The following CHRM3 variants were observed in gnomAD, a reference collection of about 807,000 sequenced individuals.
CHRM3 encodes the protein muscarinic acetylcholine receptor M3.
A neutral mutation model predicts 41.8 loss-of-function variants in CHRM3; 11 were observed. The ratio of observed to expected loss-of-function variants is 0.26; its 90% CI spans 0.17 to 0.44. The LOEUF (loss-of-function observed/expected upper bound fraction) is 0.44. Among genes scored for constraint, CHRM3 ranks in the 20% least tolerant of loss-of-function variants. The pLI is 1.00. For missense variants in CHRM3, 571 were observed against 745.4 expected, an observed-to-expected ratio of 0.77 and a Z score of 2.72; for synonymous variants, 297 against 301.4, an observed-to-expected ratio of 0.99 and a Z score of 0.15.
intron 3 of CHRM3, among the ~76,000 whole-genome samples, chr1:239,562,856 C>A (rs930328123): frequency 6.7e-6 from 1 of 148,836 alleles, no homozygotes; most frequent in African/African-American, 2.5e-5. Flanking sequence ...CCACTGCACT[C>A]CAGCCTGGGC....
intron 5 of CHRM3, among the ~76,000 whole-genome samples, chr1:239,723,451 T>C (rs1663159346): frequency 6.6e-6 from 1 of 151,990 alleles, no homozygotes; most frequent in Non-Finnish European, 1.5e-5. Flanking sequence ...TTTTGGACTG[T>C]TTCAACTTTG....
intron 5 of CHRM3, among the ~76,000 whole-genome samples, chr1:239,682,971 A>G (rs186840128): frequency 6.6e-6 from 1 of 152,248 alleles, no homozygotes. Context: ...ATGTCACCTC[A>G]TTTATTTGCA....
chr1:239,642,761 C>G (rs1671317957), intron 4 of CHRM3, among the ~76,000 whole-genome samples: 1 of 152,228 alleles, frequency 6.6e-6, no homozygotes, highest in Non-Finnish European at 1.5e-5. Context: ...CTTCTTCTCT[C>G]AACTCGTCAA....
At chr1:239,744,051 C>A (rs75372521) in intron 5 of CHRM3, among the ~76,000 whole-genome samples, 2 of 150,054 alleles carry the variant, frequency 1.3e-5, no homozygotes, top group African/African-American at 2.5e-5. Context: ...CTCAAGAAAT[C>A]CTTCCACCTA....
chr1:239,814,892 T>G (rs927046682), intron 5 of CHRM3, among the ~76,000 whole-genome samples: 3 of 152,152 alleles, frequency 2.0e-5, no homozygotes, highest in African/African-American at 7.2e-5. Context: ...GCGATTCTCC[T>G]GCCCAGACAC....
chr1:239,725,130 A>G (rs910749075), intron 5 of CHRM3, among the ~76,000 whole-genome samples: 2 of 152,072 alleles, frequency 1.3e-5, no homozygotes, highest in Middle Eastern at 3.4e-3. Context: ...TTAGACTTAG[A>G]AAAGTATTTA....
intron 5 of CHRM3, among the ~76,000 whole-genome samples, chr1:239,683,320 A>G (rs1363353740): frequency 6.6e-6 from 1 of 152,202 alleles, no homozygotes; most frequent in Admixed American, 6.5e-5. Context: ...TGAACTAGAT[A>G]CATGAAGTAA....
chr1:239,801,245 G>C (rs974981974), intron 5 of CHRM3, among the ~76,000 whole-genome samples: 1 of 152,158 alleles, frequency 6.6e-6, no homozygotes, highest in African/African-American at 2.4e-5. Context: ...TAGAGCAGTG[G>C]CGTAGTTTAC....
intron 5 of CHRM3, among the ~76,000 whole-genome samples, chr1:239,694,482 G>A (rs1659999633): frequency 6.6e-6 from 1 of 152,184 alleles, no homozygotes; most frequent in African/African-American, 2.4e-5. Flanking sequence ...AATAAGGAAA[G>A]GTCTTAGACA....
At chr1:239,775,746 T>G (rs1358838186) in intron 5 of CHRM3, among the ~76,000 whole-genome samples, 6 of 152,168 alleles carry the variant, frequency 3.9e-5, no homozygotes, top group Non-Finnish European at 8.8e-5. Flanking sequence ...CATCATATGA[T>G]CAGGGAGAAA....
intron 5 of CHRM3, among the ~76,000 whole-genome samples, chr1:239,680,468 T>C (rs1658448802): frequency 6.6e-6 from 1 of 152,088 alleles, no homozygotes; most frequent in Non-Finnish European, 1.5e-5. Flanking sequence ...AATTCACAAG[T>C]ATAGAAATGA....
intron 5 of CHRM3, among the ~76,000 whole-genome samples, chr1:239,685,507 A>AT (rs2149117396): frequency 6.6e-6 from 1 of 152,212 alleles, no homozygotes. Flanking sequence ...CCTCTCGTGC[A>AT]TTGGGTTGTG....
chr1:239,811,348 G>A (rs1020107468), intron 5 of CHRM3, among the ~76,000 whole-genome samples: 6 of 152,170 alleles, frequency 3.9e-5, no homozygotes, highest in Admixed American at 2.6e-4. Flanking sequence ...ATCCAAGACC[G>A]CTGTGAAAAT....
chr1:239,606,668 T>A (rs1171456148), intron 3 of CHRM3, among the ~76,000 whole-genome samples: 2 of 152,170 alleles, frequency 1.3e-5, no homozygotes, highest in Non-Finnish European at 2.9e-5. Flanking sequence ...TGCGAAGAGA[T>A]CCTGAAACCT....
At chr1:239,575,715 A>T (rs916633687) in intron 3 of CHRM3, among the ~76,000 whole-genome samples, 17 of 151,958 alleles carry the variant, frequency 1.1e-4, no homozygotes, top group Non-Finnish European at 2.1e-4. Flanking sequence ...AGGCCTGAAC[A>T]GGGGCTGGAG....
intron 3 of CHRM3, among the ~76,000 whole-genome samples, chr1:239,561,116 T>G (rs888655548): frequency 1.3e-5 from 2 of 152,162 alleles, no homozygotes; most frequent in African/African-American, 2.4e-5. Flanking sequence ...GTGTAGGTAG[T>G]AACCTTTCAC....
intron 1 of CHRM3, among the ~76,000 whole-genome samples, chr1:239,443,939 TG>T (rs1285276627): frequency 6.6e-6 from 1 of 152,180 alleles, no homozygotes; most frequent in East Asian, 1.9e-4. Context: ...GTGAAATATG[TG>T]TTTCAGATTT....
rs1344635643 is a variant in CHRM3 at position 239,387,852 on chromosome 1, T to TACTGACCC, written c.-521+626_-521+633dup. On this transcript the variant is annotated intron_variant, in intron 1 of 6. Coordinates refer to ENST00000676153, the MANE Select transcript of CHRM3 (RefSeq NM_001375978.1). The surrounding 1 kb of genome is among the most constrained non-coding windows in gnomAD (Gnocchi z 5.1). The stretch of plus-strand genomic sequence containing the variant: ...AGGTACCTAGCCTAGTGCGCATCTT[T>TACTGACCC]ACTGACCCGGGGAGAGTCTGCACTC... 6.6e-6 allele frequency among the ~76,000 whole-genome samples: 1 copy of TACTGACCC among 152,188 alleles called. No homozygotes were observed. The highest frequency in any genetic ancestry group is 2.4e-5 in the African/African-American group (1 of 41,460).
chr1:239,399,204 A>T (rs963928623), intron 1 of CHRM3, among the ~76,000 whole-genome samples: 1 of 152,164 alleles, frequency 6.6e-6, no homozygotes, highest in Non-Finnish European at 1.5e-5. Flanking sequence ...TTGAATCAAC[A>T]GCCCTCTTTT....
Sources: gnomAD v4.1 joint callset for allele counts (sites outside exome capture counted in the v4.1 genomes callset) on GRCh38, gnomAD v4.1.1 for gene constraint, Gnocchi (gnomAD v3.1) non-coding constraint, MANE v1.5 for transcripts, NCBI Gene and HGNC (gene_info 2026-07-23, HGNC 2026-07-21) for gene names.